STK10: variants seen among roughly 807,000 people sequenced by gnomAD.
The protein encoded by STK10 is serine/threonine-protein kinase 10.
A neutral mutation model predicts 113.8 loss-of-function variants in STK10; 78 were observed. The observed-to-expected ratio is 0.69, with a 90% CI of 0.57 to 0.83. The LOEUF is 0.83. Among genes scored for constraint, STK10 ranks in the 40% least tolerant of loss-of-function variants. The probability of loss-of-function intolerance (pLI) is 0.00; values close to 1 mark genes in which losing one functional copy is unlikely to be tolerated. For synonymous variants in STK10, 465 were observed against 494.7 expected, an observed-to-expected ratio of 0.94 and a Z score of 0.80; for missense variants, 1,109 against 1,280.1, an observed-to-expected ratio of 0.87 and a Z score of 2.04.
chr5:172,117,965 A>T (rs1291067243), intron 3 of STK10, among the ~76,000 whole-genome samples: 1 of 144,922 alleles, frequency 6.9e-6, no homozygotes, highest in Non-Finnish European at 1.5e-5. Flanking sequence ...GTGAGCTGAG[A>T]TCGTACCACT....
At chr5:172,055,831 T>C in intron 15 of STK10, 55 bp from the exon 16 acceptor site, 1 of 1,371,812 alleles carries the variant, frequency 7.3e-7, no homozygotes. Flanking sequence ...ACTCAGAGCG[T>C]GGTCACAGGC....
rs34461452 is a variant in STK10, at chr5:172,147,396, C to CT, written c.321+9227dup. On this transcript the variant is annotated intron_variant, in intron 2 of 18. Transcript: ENST00000176763. ...CTGCTGCTCAGACTTTTCTTTCTTTCTTTTTTTTTTTTTGAGACAGAGTCT... is the reference window on the plus strand; with the variant it reads ...CTGCTGCTCAGACTTTTCTTTCTTTCTTTTTTTTTTTTTTGAGACAGAGTCT... Among the ~76,000 whole-genome samples, 1,351 of 145,198 alleles carry CT rather than the reference C, an allele frequency of 9.3e-3. 21 individuals carry two copies. The highest frequency in any genetic ancestry group is 0.029 in the African/African-American group (1,135 of 39,756).
chr5:172,093,270 A>C lies in STK10; in HGVS notation c.1554+142T>G. 1.2e-6 allele frequency: 1 copy of C among 835,612 alleles called. No individual in the cohort carries two copies. Among genetic ancestry groups the C allele is most frequent in the South Asian group, 2.0e-5 (1 of 50,538 alleles). 51.8% of individuals were successfully genotyped at this position (835,612 alleles called of 1,614,324 possible). A position where few individuals can be genotyped will look rare whatever the true frequency, so the allele number is the denominator to read the frequency against. ...ATTGAACCCAGATATTTTGGAGATT[A>C]AACTATGAGTCAAACCCAAAACCCC... On this transcript the variant is annotated intron_variant, in intron 9 of 18. Coordinates refer to ENST00000176763, the MANE Select transcript of STK10 (RefSeq NM_005990.4). The surrounding 1 kb of genome is among the most constrained non-coding windows in gnomAD (Gnocchi z 4.1).
At chr5:172,054,789 G>T in intron 16 of STK10, 95 bp from the exon 17 acceptor site, 1 of 1,554,884 alleles carries the variant, frequency 6.4e-7, no homozygotes, top group Non-Finnish European at 8.7e-7. Flanking sequence ...GACCCCTCAG[G>T]GGGACTGGTC....
intron 18 of STK10, among the ~76,000 whole-genome samples, chr5:172,049,136 G>A (rs1767570992): frequency 1.3e-5 from 2 of 152,122 alleles, no homozygotes; most frequent in Non-Finnish European, 2.9e-5. Context: ...TAGAAGGTCG[G>A]TTCTTCCGGA....
At position 172,187,913 on chromosome 5, in the gene STK10, C is replaced by CGACG; in HGVS notation, c.129_130insCGTC (p.Asp44ArgfsTer14). 1 of 1,613,232 alleles carries CGACG rather than the reference C, an allele frequency of 6.2e-7. No individual in the cohort carries two copies. Among genetic ancestry groups the CGACG allele is most frequent in the Non-Finnish European group, 8.5e-7 (1 of 1,179,728 alleles). On this transcript the variant is annotated frameshift_variant, in exon 1 of 19. Coordinates refer to ENST00000176763, the MANE Select transcript of STK10 (RefSeq NM_005990.4). LOFTEE classifies it high-confidence loss of function. This position sits in a 1 kb window ranked among gnomAD's most constrained non-coding sequence, Gnocchi z 4.6. The stretch of plus-strand genomic sequence containing the variant: ...TTGTAAACCTTGCCGAAGGCGCCGT[C>CGACG]GCCCAGCTCGCCCACGATCTCCCAC...
intron 1 of STK10, among the ~76,000 whole-genome samples, chr5:172,160,554 C>T (rs34199172): frequency 2.0e-5 from 3 of 152,136 alleles, no homozygotes; most frequent in South Asian, 2.1e-4. Flanking sequence ...ACAGGGAAAA[C>T]GAGCTCCTCT....
chr5:172,183,299 G>A (rs898629601), intron 1 of STK10, among the ~76,000 whole-genome samples: 3 of 152,160 alleles, frequency 2.0e-5, no homozygotes, highest in African/African-American at 7.2e-5. Context: ...TTGTGTGCAT[G>A]AGTACCTGTG....
chr5:172,058,505 G>A (rs766898792), intron 14 of STK10, among the ~76,000 whole-genome samples: 3 of 152,180 alleles, frequency 2.0e-5, no homozygotes, highest in Non-Finnish European at 2.9e-5. Context: ...TATTGGCCTC[G>A]TGTTGTTTAC....
chr5:172,173,513 C>G (rs1770697631), intron 1 of STK10, among the ~76,000 whole-genome samples: 1 of 152,220 alleles, frequency 6.6e-6, no homozygotes, highest in Admixed American at 6.5e-5. Context: ...TGCTCCACTT[C>G]TGGTGCCCTC....
chr5:172,105,490 A>T, intron 7 of STK10, 166 bp downstream of exon 7: 1 of 707,332 alleles, frequency 1.4e-6, no homozygotes, highest in Non-Finnish European at 2.4e-6. Context: ...GGCACTCCCA[A>T]CACAGAGCTG....
At chr5:172,063,243 C>A (rs565748511) in intron 13 of STK10, among the ~76,000 whole-genome samples, 1 of 151,380 alleles carries the variant, frequency 6.6e-6, no homozygotes, top group Non-Finnish European at 1.5e-5. Flanking sequence ...GAGTGAGACT[C>A]CATCTCAAAA....
chr5:172,061,389 A>G, intron 13 of STK10, 121 bp from the exon 14 acceptor site: 2 of 1,406,260 alleles, frequency 1.4e-6, no homozygotes, highest in Non-Finnish European at 1.9e-6. Flanking sequence ...CAGAAAAGAA[A>G]TTGGTGGAGG....
chr5:172,093,263 G>T lies in STK10; in HGVS notation c.1554+149C>A. 2 of 763,612 alleles carry T rather than the reference G, an allele frequency of 2.6e-6. No individual in the cohort carries two copies. Among genetic ancestry groups the T allele is most frequent in the Non-Finnish European group, 4.1e-6 (2 of 487,486 alleles). The allele number at this position is 763,612 out of a possible 1,614,324, so 47.3% of individuals were successfully genotyped here. A position where few individuals can be genotyped will look rare whatever the true frequency, so the allele number is the denominator to read the frequency against. ...ATCCCATATTGAACCCAGATATTTT[G>T]GAGATTAAACTATGAGTCAAACCCA... On this transcript the variant is annotated intron_variant, in intron 9 of 18. Coordinates refer to ENST00000176763, the MANE Select transcript of STK10 (RefSeq NM_005990.4). The surrounding 1 kb of genome is among the most constrained non-coding windows in gnomAD (Gnocchi z 4.1).
intron 2 of STK10, among the ~76,000 whole-genome samples, chr5:172,154,422 C>T (rs966244152): frequency 2.8e-4 from 42 of 152,198 alleles, no homozygotes; most frequent in African/African-American, 8.4e-4. Flanking sequence ...ACAGGCTGTA[C>T]CTTTCATGCC....
At chr5:172,179,560 C>T (rs1331455319) in intron 1 of STK10, among the ~76,000 whole-genome samples, 1 of 152,188 alleles carries the variant, frequency 6.6e-6, no homozygotes, top group East Asian at 1.9e-4. Context: ...AAAAAAAATT[C>T]CCAGAACGGC....
chr5:172,182,524 C>T (rs540569464), intron 1 of STK10, among the ~76,000 whole-genome samples: 83 of 149,402 alleles, frequency 5.6e-4, no homozygotes, highest in African/African-American at 1.9e-3. Flanking sequence ...GCTGGGACCA[C>T]GGGCGCATGT....
At chr5:172,152,417 G>C (rs748915125) in intron 2 of STK10, among the ~76,000 whole-genome samples, 23 of 152,304 alleles carry the variant, frequency 1.5e-4, no homozygotes, top group Non-Finnish European at 2.5e-4. Context: ...CCAAAATCTG[G>C]CTCAGGGCTG....
At chr5:172,146,388 A>C (rs1242132531) in intron 2 of STK10, among the ~76,000 whole-genome samples, 1 of 152,232 alleles carries the variant, frequency 6.6e-6, no homozygotes, top group Non-Finnish European at 1.5e-5. Context: ...TGCAACTGCT[A>C]AAGGTTCCAC....
Sources: gnomAD v4.1 joint callset for allele counts (sites outside exome capture counted in the v4.1 genomes callset) on GRCh38, gnomAD v4.1.1 for gene constraint, Gnocchi (gnomAD v3.1) non-coding constraint, MANE v1.5 for transcripts, NCBI Gene and HGNC (gene_info 2026-07-23, HGNC 2026-07-21) for gene names.